Variants in POLR2M observed in about 807,000 individuals in gnomAD.
The protein encoded by POLR2M is RNA polymerase II subunit M.
POLR2M carries 30 observed loss-of-function variants against 34.6 expected under a neutral mutation model. The observed-to-expected ratio is 0.87, with a 90% confidence interval of 0.65 to 1.18. The LOEUF (loss-of-function observed/expected upper bound fraction) is 1.18, where lower values mean the gene tolerates loss of function less well. Ranked by LOEUF, POLR2M falls within the 50% of genes most tolerant of loss-of-function variation. The pLI, the probability that POLR2M is intolerant of heterozygous loss-of-function variation, is 0.00. For synonymous variants in POLR2M, 150 were observed against 166.7 expected, an observed-to-expected ratio of 0.90 and a Z score of 0.77; for missense variants, 432 against 448.7, an observed-to-expected ratio of 0.96 and a Z score of 0.34.
intron 2 of POLR2M, among the ~76,000 whole-genome samples, chr15:57,711,087 C>G (rs1012741183): frequency 2.6e-5 from 4 of 152,166 alleles, no homozygotes; most frequent in African/African-American, 9.7e-5. Flanking sequence ...CAAAGTGGAA[C>G]TGCAGTTTCT....
intron 3 of POLR2M, among the ~76,000 whole-genome samples, chr15:57,712,514 A>C (rs1485082985): frequency 6.6e-6 from 1 of 152,184 alleles, no homozygotes; most frequent in Non-Finnish European, 1.5e-5. Context: ...TTCACCTTGT[A>C]AAACTCATGT....
Position 57,709,172 on chromosome 15 carries a change from T to C in POLR2M, c.572T>C (p.Leu191Pro). 1 of 1,614,240 alleles carries C rather than the reference T, an allele frequency of 6.2e-7. No individual in the cohort carries two copies. Among genetic ancestry groups the C allele is most frequent in the Non-Finnish European group, 8.5e-7 (1 of 1,180,050 alleles). The change falls in exon 2 of 4, where the codon CTG (leucine) becomes CCG (proline). Residue 191 changes from leucine (L) to proline (P), a missense_variant. By Grantham distance (98) the Leu-to-Pro change is moderately conservative. Transcript: ENST00000299638. ...GATACTTCCAGCAGCTTTGACAACC[T>C]GTTTATTGACAGGTTACAGAGGATC... Reference protein sequence around the residue: ...AEDTSSSFDNLFIDRLQRITI... With the variant: ...AEDTSSSFDNPFIDRLQRITI...
At position 57,717,425 on chromosome 15, in the gene POLR2M, C is replaced by G. The variant is rs1182455809; in HGVS notation, c.*2746C>G. ...CCCCTCTTGACACTCACTGTTTCCC[C>G]CAGAGCTAACTATCCTGACGTATGG... On this transcript the variant is annotated 3_prime_UTR_variant, in exon 4 of 4. Coordinates refer to ENST00000299638, the MANE Select transcript of POLR2M (RefSeq NM_015532.5). 2.0e-5 allele frequency: 3 copies of G among 152,150 alleles called. No individual in the cohort carries two copies. The highest frequency in any genetic ancestry group is 2.9e-5 in the Non-Finnish European group (2 of 68,044). The allele number at this position is 152,150 out of a possible 1,614,324, so 9.4% of individuals were successfully genotyped here.
In POLR2M at chr15:57,713,817, CTTCTTTTTTTT is replaced by C. The variant is rs1415283677; in HGVS notation, c.964-716_964-706del. ...TGTAGAAATCTAGACAGCATTAGTCCTTCTTTTTTTTTTTTTTTTTTTTTTTTTTTTTTTTT... is the reference window on the plus strand; with the variant it reads ...TGTAGAAATCTAGACAGCATTAGTCCTTTTTTTTTTTTTTTTTTTTTTTTT... On this transcript the variant is annotated intron_variant, in intron 3 of 3. Coordinates refer to ENST00000299638, the MANE Select transcript of POLR2M (RefSeq NM_015532.5). Among the ~76,000 whole-genome samples, 79 of 111,676 alleles carry C rather than the reference CTTCTTTTTTTT, an allele frequency of 7.1e-4. 1 individual carries two copies. The highest frequency in any genetic ancestry group is 6.0e-3 in the Middle Eastern group (1 of 168). The allele number at this position is 111,676 out of a possible 152,430, so 73.3% of individuals were successfully genotyped here.
At chr15:57,707,582 A>G (rs1427753209) in intron 1 of POLR2M, 4 of 457,052 alleles carry the variant, frequency 8.8e-6, no homozygotes, top group Admixed American at 7.1e-5. Flanking sequence ...AAAGTGAGCT[A>G]GGAAGGGATT....
rs542005107 is a variant in POLR2M, at chr15:57,706,970, C to A, written c.113+15C>A. 1 of 1,574,872 alleles carries A rather than the reference C, an allele frequency of 6.3e-7. No homozygotes were observed. Among genetic ancestry groups the A allele is most frequent in the East Asian group, 2.3e-5 (1 of 42,796 alleles). ...TTGCGCAACGAGTAAGCTGGGGTCC[C>A]GCGGAGTCTCCGCCAGGCTCCTTCA... On this transcript the variant is annotated intron_variant, in intron 1 of 3. Transcript: ENST00000299638.
Position 57,716,696 on chromosome 15 carries a change from T to A in POLR2M, c.*2017T>A, listed in dbSNP as rs2040959101. ...GCTCATTCATATTTTTTCTGTTGCT[T>A]GCTTGGAGAATTTGCTCTTTTTTTG... On this transcript the variant is annotated 3_prime_UTR_variant, in exon 4 of 4. Coordinates refer to ENST00000299638, the MANE Select transcript of POLR2M (RefSeq NM_015532.5). 6.6e-6 allele frequency: 1 copy of A among 152,294 alleles called. No individual in the cohort carries two copies. Among genetic ancestry groups the A allele is most frequent in the Non-Finnish European group, 1.5e-5 (1 of 68,048 alleles). 9.4% of individuals were successfully genotyped at this position (152,294 alleles called of 1,614,324 possible).
chr15:57,712,789 A>T (rs141967680), intron 3 of POLR2M, among the ~76,000 whole-genome samples: 5 of 152,318 alleles, frequency 3.3e-5, no homozygotes, highest in Non-Finnish European at 4.4e-5. Flanking sequence ...AACTTCAAAC[A>T]TGTATGTTGA....
In POLR2M at chr15:57,706,747, C is replaced by A. The variant is rs1010742799; in HGVS notation, c.-96C>A. The A allele has an allele frequency of 3.1e-5, 43 of 1,395,396 alleles. No individual in the cohort carries two copies. The highest frequency in any genetic ancestry group is 5.8e-5 in the African/African-American group (4 of 69,376). 86.4% of individuals were successfully genotyped at this position (1,395,396 alleles called of 1,614,324 possible). On this transcript the variant is annotated 5_prime_UTR_variant, in exon 1 of 4. Coordinates refer to ENST00000299638, the MANE Select transcript of POLR2M (RefSeq NM_015532.5). ...GGGAAAATGGCGACTCCCGCTCGTG[C>A]CCCGGAGTCACCGCCGTCCGCGGAT...
intron 3 of POLR2M, among the ~76,000 whole-genome samples, chr15:57,713,222 T>C (rs781090741): frequency 4.0e-5 from 6 of 150,658 alleles, no homozygotes; most frequent in Non-Finnish European, 5.9e-5. Context: ...CAAAACAGGC[T>C]GTTAATCTGC....
chr15:57,714,520 G>T lies in POLR2M; in HGVS notation c.964-16G>T. 6.2e-7 allele frequency: 1 copy of T among 1,612,198 alleles called. No individual in the cohort carries two copies. ...ATGTGAACGTGTAACTTTGTGCTTT[G>T]CTCTTTGTTTTAAAGGAGATGCAAG... On this transcript the variant is annotated splice_polypyrimidine_tract_variant and intron_variant, in intron 3 of 3. Transcript: ENST00000299638.
In POLR2M at chr15:57,710,520, G is replaced by C. The variant is rs930143385; in HGVS notation, c.758+1162G>C. Among the ~76,000 whole-genome samples the C allele has an allele frequency of 1.4e-4, 21 of 152,334 alleles. No individual in the cohort carries two copies. The East Asian group carries it at 4.0e-3, about 29-fold the overall frequency. ...AACCTCAAAACATTTTATTTCTGCT[G>C]TATAGAAAATCAGGATTATACTACA... On this transcript the variant is annotated intron_variant, in intron 2 of 3. Coordinates refer to ENST00000299638, the MANE Select transcript of POLR2M (RefSeq NM_015532.5).
Position 57,716,534 on chromosome 15 carries a change from A to G in POLR2M, c.*1855A>G, listed in dbSNP as rs1314595355. 6.6e-6 allele frequency: 1 copy of G among 152,296 alleles called. No homozygotes were observed. The highest frequency in any genetic ancestry group is 2.1e-4 in the South Asian group (1 of 4,838). 9.4% of individuals were successfully genotyped at this position (152,296 alleles called of 1,614,324 possible). On this transcript the variant is annotated 3_prime_UTR_variant, in exon 4 of 4. Transcript: ENST00000299638. ...TATCCAATGCTCAGAATTGAAAATT[A>G]CTACTTAAAATCTTTGCAAATTGAA...
intron 2 of POLR2M, among the ~76,000 whole-genome samples, chr15:57,711,197 A>G (rs1285953191): frequency 6.6e-6 from 1 of 152,126 alleles, no homozygotes; most frequent in African/African-American, 2.4e-5. Context: ...TCTGCTAGCC[A>G]TGAAGACCTA....
In POLR2M at chr15:57,716,520, C is replaced by T. The variant is rs2040949323; in HGVS notation, c.*1841C>T. The T allele has an allele frequency of 6.6e-6, 1 of 152,288 alleles. No homozygotes were observed. The highest frequency in any genetic ancestry group is 2.1e-4 in the South Asian group (1 of 4,838). The allele number at this position is 152,288 out of a possible 1,614,324, so 9.4% of individuals were successfully genotyped here. ...TCCCATTAGCAATATATCCAATGCT[C>T]AGAATTGAAAATTACTACTTAAAAT... On this transcript the variant is annotated 3_prime_UTR_variant, in exon 4 of 4. Coordinates refer to ENST00000299638, the MANE Select transcript of POLR2M (RefSeq NM_015532.5).
At chr15:57,707,573 A>C (rs927248485) in intron 1 of POLR2M, 3 of 459,090 alleles carry the variant, frequency 6.5e-6, no homozygotes, top group Admixed American at 2.3e-5. Flanking sequence ...ACTTGTAAGA[A>C]AGTGAGCTAG....
Position 57,713,702 on chromosome 15 carries a change from TATTA to T in POLR2M, c.964-830_964-827del, listed in dbSNP as rs1432278625. On this transcript the variant is annotated intron_variant, in intron 3 of 3. Coordinates refer to ENST00000299638, the MANE Select transcript of POLR2M (RefSeq NM_015532.5). The stretch of plus-strand genomic sequence containing the variant: ...TGGAGAGGAATAGTCAGCTTTTTAG[TATTA>T]ATTTCTTGATTTTCATTTTGCCATT... Among the ~76,000 whole-genome samples, 4 of 152,276 alleles carry T rather than the reference TATTA, an allele frequency of 2.6e-5. No homozygotes were observed. In the East Asian group the frequency reaches 5.8e-4, roughly 22 times the overall value.
rs2040961318 is a variant in POLR2M at position 57,716,726 on chromosome 15, A to G, written c.*2047A>G. The G allele has an allele frequency of 6.6e-6, 1 of 152,256 alleles. No homozygotes were observed. The highest frequency in any genetic ancestry group is 2.1e-4 in the South Asian group (1 of 4,832). The allele number at this position is 152,256 out of a possible 1,614,324, so 9.4% of individuals were successfully genotyped here. Reference sequence around the variant, plus strand: ...GGAGAATTTGCTCTTTTTTTGGCATATAAGTTCTTAAGAATGTCCGTCCTT... The same window carrying G: ...GGAGAATTTGCTCTTTTTTTGGCATGTAAGTTCTTAAGAATGTCCGTCCTT... On this transcript the variant is annotated 3_prime_UTR_variant, in exon 4 of 4. Transcript: ENST00000299638.
intron 1 of POLR2M, among the ~76,000 whole-genome samples, chr15:57,708,387 A>G (rs555042855): frequency 6.6e-6 from 1 of 152,224 alleles, no homozygotes; most frequent in East Asian, 1.9e-4. Context: ...CCCATCCCCA[A>G]ATTTTGGAGA....
Sources: gnomAD v4.1 joint callset for allele counts (sites outside exome capture counted in the v4.1 genomes callset) on GRCh38, gnomAD v4.1.1 for gene constraint, MANE v1.5 for transcripts, NCBI Gene and HGNC (gene_info 2026-07-23, HGNC 2026-07-21) for gene names.